Variants in GLT8D2 observed in about 807,000 individuals in gnomAD.
GLT8D2 encodes glycosyltransferase 8 domain-containing protein 2.
A neutral mutation model predicts 44.5 loss-of-function variants in GLT8D2; 45 were observed. The ratio of observed to expected loss-of-function variants is 1.01; its 90% CI spans 0.80 to 1.30. GLT8D2 has a LOEUF of 1.30. Ranked by LOEUF, GLT8D2 falls within the 50% of genes most tolerant of loss-of-function variation. The pLI, the probability that GLT8D2 is intolerant of heterozygous loss-of-function variation, is 0.00. For missense variants in GLT8D2, 400 were observed against 430.4 expected, an observed-to-expected ratio of 0.93 and a Z score of 0.62; for synonymous variants, 156 against 157.2, an observed-to-expected ratio of 0.99 and a Z score of 0.06.
At chr12:104,064,360 G>C, upstream of GLT8D2, 2 of 462,686 alleles carry the variant, frequency 4.3e-6, no homozygotes, top group Non-Finnish European at 7.4e-6. This position sits in a 1 kb window ranked among gnomAD's most constrained non-coding sequence, Gnocchi z 7.3. Flanking sequence ...TGGCCAAGTC[G>C]CCTGGGGTGG....
Position 104,012,183 on chromosome 12 carries a change from AAAAAAAATATAT to A in GLT8D2, c.112+2818_112+2829del, listed in dbSNP as rs1356179727. ...GAAACTCTGTCTCAAAAAAAAAAAA[AAAAAAAATATAT>A]ATATATATATATATATACCTTAAAC... On this transcript the variant is annotated intron_variant, in intron 4 of 10. Coordinates refer to ENST00000360814, the MANE Select transcript of GLT8D2 (RefSeq NM_001384711.1). Among the ~76,000 whole-genome samples the A allele has an allele frequency of 5.9e-5, 5 of 84,074 alleles. No homozygotes were observed. In the East Asian group the frequency reaches 1.5e-3, roughly 25 times the overall value. 55.2% of individuals were successfully genotyped at this position (84,074 alleles called of 152,430 possible).
At chr12:104,006,845 T>A (rs374360757) in intron 4 of GLT8D2, among the ~76,000 whole-genome samples, 1 of 152,324 alleles carries the variant, frequency 6.6e-6, no homozygotes. Flanking sequence ...GCCAGTTGGC[T>A]AGCCTAAAAC....
chr12:104,062,613 T>C (rs75034580), intron 1 of GLT8D2, among the ~76,000 whole-genome samples: 1 of 152,196 alleles, frequency 6.6e-6, no homozygotes, highest in Non-Finnish European at 1.5e-5. Context: ...CAATTTTTTC[T>C]TCCACTGGAC....
At chr12:104,015,717 A>G (rs1432110856) in intron 3 of GLT8D2, among the ~76,000 whole-genome samples, 1 of 151,998 alleles carries the variant, frequency 6.6e-6, no homozygotes, top group African/African-American at 2.4e-5. Flanking sequence ...ATAAGATTAT[A>G]TTGGCCAGTT....
At chr12:104,051,973 A>G (rs1479368855), upstream of GLT8D2, among the ~76,000 whole-genome samples, 1 of 152,198 alleles carries the variant, frequency 6.6e-6, no homozygotes. Context: ...TACACACTCA[A>G]AATATGTATA....
At chr12:104,002,962 G>C (rs1320727684) in intron 5 of GLT8D2, among the ~76,000 whole-genome samples, 173 bp downstream of exon 5, 1 of 150,276 alleles carries the variant, frequency 6.7e-6, no homozygotes, top group East Asian at 2.0e-4. Context: ...AAGAGAGAAA[G>C]AGAGAAAGAC....
chr12:104,039,653 C>T (rs537281644), intron 1 of GLT8D2, among the ~76,000 whole-genome samples: 1 of 152,300 alleles, frequency 6.6e-6, no homozygotes, highest in African/African-American at 2.4e-5. Context: ...ACAACAGATG[C>T]TGGAGAGGAT....
At chr12:104,061,733 T>G (rs1293772765) in intron 1 of GLT8D2, among the ~76,000 whole-genome samples, 1 of 152,064 alleles carries the variant, frequency 6.6e-6, no homozygotes, top group East Asian at 1.9e-4. Context: ...CCCCAGAACC[T>G]TAGGAGACCA....
intron 5 of GLT8D2, among the ~76,000 whole-genome samples, chr12:103,999,973 G>C (rs1370348943): frequency 6.6e-6 from 1 of 152,106 alleles, no homozygotes; most frequent in African/African-American, 2.4e-5. Context: ...ATTTACCTTT[G>C]TCTCTTTGAT....
chr12:104,016,709 GAGAAAGAAAGAAAGAA>G (rs550246831), intron 3 of GLT8D2, among the ~76,000 whole-genome samples: 1,706 of 72,600 alleles, frequency 0.023, 79 homozygotes, highest in Non-Finnish European at 0.027. Context: ...GAAAGGGAGA[GAGAAAGAAAGAAAGAA>G]AGAAAGAAAG....
intron 7 of GLT8D2, 110 bp from the exon 8 acceptor site, chr12:103,996,957 A>G: frequency 1.5e-6 from 1 of 667,824 alleles, no homozygotes; most frequent in Non-Finnish European, 2.6e-6. Context: ...AGAGTATTGG[A>G]TCCCTGATTT....
rs1192126315 is a variant in GLT8D2, at chr12:103,989,722, A to G, written c.881-145T>C. 5.0e-5 allele frequency: 33 copies of G among 655,286 alleles called. 1 individual carries two copies. Among genetic ancestry groups the G allele is most frequent in the Admixed American group, 9.3e-5 (3 of 32,272 alleles). The allele number at this position is 655,286 out of a possible 1,614,324, so 40.6% of individuals were successfully genotyped here. A position where few individuals can be genotyped will look rare whatever the true frequency, so the allele number is the denominator to read the frequency against. ...ATTTTCTACCCACCCCAGGTCTCCA[A>G]ATCAACCACTGTTAGTCTCTTGTGA... is the stretch of plus-strand genomic sequence containing the variant. On this transcript the variant is annotated intron_variant, in intron 10 of 10. Transcript: ENST00000360814.
intron 1 of GLT8D2, among the ~76,000 whole-genome samples, chr12:104,061,031 G>A (rs1351259969): frequency 6.6e-6 from 1 of 152,178 alleles, no homozygotes; most frequent in Non-Finnish European, 1.5e-5. Context: ...GGCTGCCATG[G>A]ATTGACAGCT....
chr12:104,024,405 C>T (rs1878293716), intron 1 of GLT8D2, among the ~76,000 whole-genome samples: 1 of 152,046 alleles, frequency 6.6e-6, no homozygotes, highest in South Asian at 2.1e-4. Flanking sequence ...TGCACTCCAG[C>T]CCCGGTGACA....
chr12:104,016,774 A>AGAAAGAAAGAAAGAAGGAAGGAAG (rs1566199645), intron 3 of GLT8D2, among the ~76,000 whole-genome samples: 3 of 58,336 alleles, frequency 5.1e-5, no homozygotes, highest in African/African-American at 2.4e-4. Context: ...AAAGAAAGAA[A>AGAAAGAAAGAAAGAAGGAAGGAAG]GAAGGAAGGA....
At chr12:104,033,339 C>G (rs1879541468) in intron 1 of GLT8D2, among the ~76,000 whole-genome samples, 1 of 152,094 alleles carries the variant, frequency 6.6e-6, no homozygotes, top group Non-Finnish European at 1.5e-5. Context: ...AGAAGAAAAT[C>G]ATGCCATTTG....
At chr12:104,021,516 A>C (rs973069442) in intron 1 of GLT8D2, 25 bp from the exon 2 acceptor site, 6 of 152,316 alleles carry the variant, frequency 3.9e-5, no homozygotes, top group African/African-American at 1.2e-4. Flanking sequence ...TAAGTGTTTT[A>C]CTGGGCGTGG....
chr12:104,019,465 C>G (rs887823955), intron 3 of GLT8D2, among the ~76,000 whole-genome samples, 165 bp downstream of exon 3: 4 of 152,096 alleles, frequency 2.6e-5, no homozygotes, highest in Non-Finnish European at 5.9e-5. Context: ...GAACAACTCT[C>G]CATGGGAATC....
At position 104,047,992 on chromosome 12, in the gene GLT8D2, T is replaced by C. The variant is rs190667791; in HGVS notation, c.-164+1903A>G. ...CTGTTTTAATACTGCAACAGCAGAG[T>C]TGAACAGTTGCAACAGAAACCATAT... is the stretch of plus-strand genomic sequence containing the variant. On this transcript the variant is annotated intron_variant, in intron 1 of 10. Coordinates refer to ENST00000360814, the MANE Select transcript of GLT8D2 (RefSeq NM_001384711.1). 2.0e-3 allele frequency among the ~76,000 whole-genome samples: 311 copies of C among 152,254 alleles called. 1 individual carries two copies. The highest frequency in any genetic ancestry group is 7.0e-3 in the African/African-American group (291 of 41,552).
Sources: allele counts gnomAD v4.1 joint callset (sites outside exome capture counted in the v4.1 genomes callset), GRCh38; gene constraint gnomAD v4.1.1; non-coding constraint Gnocchi (gnomAD v3.1); transcripts MANE v1.5; gene names NCBI Gene and HGNC (gene_info 2026-07-23, HGNC 2026-07-21).